FN1: variants seen among roughly 807,000 people sequenced by gnomAD.
FN1 encodes the protein fibronectin.
FN1 carries 106 observed loss-of-function variants against 297.3 expected under a neutral mutation model. The observed-to-expected ratio is 0.36, with a 90% confidence interval of 0.30 to 0.42. The LOEUF (loss-of-function observed/expected upper bound fraction) is 0.42. FN1 is among the 10% of genes least tolerant of loss of function. The probability of loss-of-function intolerance (pLI) is 1.00; values close to 1 mark genes in which losing one functional copy is unlikely to be tolerated. For synonymous variants in FN1, 1,149 were observed against 1,152.6 expected (o/e 1.00, Z 0.06); for missense variants, 2,690 against 3,124.9 (o/e 0.86, Z 3.32).
intron 42 of FN1, among the ~76,000 whole-genome samples, chr2:215,366,213 A>G (rs1349805935): frequency 1.3e-5 from 2 of 152,216 alleles, no homozygotes; most frequent in East Asian, 3.9e-4. Flanking sequence ...TGCCACAATC[A>G]TGTCATCAGA....
rs779590466 is a variant in FN1 at position 215,386,791 on chromosome 2, T to A, written c.4510A>T (p.Ile1504Phe). 6.2e-7 allele frequency: 1 copy of A among 1,613,952 alleles called. No homozygotes were observed. The highest frequency in any genetic ancestry group is 1.1e-5 in the South Asian group (1 of 91,072). ...EDRVPHSRNS[I>F]TLTNLTPGTE... ...CCTGGAGTGAGGTTGGTGAGGGTGA[T>A]GGAATTCCGAGAGTGGGGCACCCGA... The change falls in exon 28 of 46, where the codon ATC becomes TTC. Residue 1504 changes from isoleucine (I) to phenylalanine (F), a missense_variant. Ile to Phe is a conservative substitution (Grantham distance 21). Transcript: ENST00000354785.
intron 25 of FN1, 24 bp downstream of exon 25, chr2:215,392,907 A>C (rs755971812): frequency 4.3e-6 from 7 of 1,612,028 alleles, no homozygotes; most frequent in Non-Finnish European, 5.9e-6. Flanking sequence ...CTATGTCTCA[A>C]ACGCAGAAGT....
intron 26 of FN1, among the ~76,000 whole-genome samples, chr2:215,388,589 G>A (rs754792883): frequency 4.6e-5 from 7 of 152,170 alleles, no homozygotes; most frequent in Non-Finnish European, 8.8e-5. Context: ...GCAACAGCTG[G>A]ATATTTCTCG....
chr2:215,367,668 A>G (rs1363432330), intron 42 of FN1, 195 bp downstream of exon 42: 2 of 632,680 alleles, frequency 3.2e-6, no homozygotes, highest in African/African-American at 1.8e-5. Context: ...CTTGAAATGA[A>G]GCAATGTCCA....
intron 28 of FN1, among the ~76,000 whole-genome samples, chr2:215,385,783 T>C (rs1289963846): frequency 3.4e-5 from 5 of 148,090 alleles, no homozygotes; most frequent in South Asian, 2.2e-4. Flanking sequence ...TCCACCTTTT[T>C]TTTTTTTTTT....
rs1168556523 is a variant in FN1, at chr2:215,375,691, A to G, written c.5915T>C (p.Ile1972Thr). 1 of 1,612,902 alleles carries G rather than the reference A, an allele frequency of 6.2e-7. No homozygotes were observed. The highest frequency in any genetic ancestry group is 8.5e-7 in the Non-Finnish European group (1 of 1,178,970). The change falls in exon 37 of 46, where the codon ATC (isoleucine) becomes ACC (threonine). Residue 1972 changes from isoleucine to threonine, a missense_variant. Coordinates refer to ENST00000354785, the MANE Select transcript of FN1 (RefSeq NM_212482.4). The part of the protein sequence containing the change: ...TGLQPGTDYK[I>T]YLYTLNDNAR... Reference sequence around the variant, plus strand: ...ATTGTCATTCAAGGTGTACAGGTAGATCTTGTAGTCAGTGCCTGGTTGTAA... The same window carrying G: ...ATTGTCATTCAAGGTGTACAGGTAGGTCTTGTAGTCAGTGCCTGGTTGTAA...
chr2:215,361,753 C>G (rs1019255353), intron 45 of FN1, 127 bp from the exon 46 acceptor site: 25 of 1,015,678 alleles, frequency 2.5e-5, no homozygotes, highest in Non-Finnish European at 3.8e-5. Context: ...TTCCTAGTTT[C>G]AAGAACCTAG....
intron 16 of FN1, 36 bp downstream of exon 16, chr2:215,408,260 GAA>G (rs774113260): frequency 3.1e-6 from 5 of 1,613,872 alleles, no homozygotes; most frequent in Non-Finnish European, 4.2e-6. Context: ...GTGTTTTACA[GAA>G]AAAGATTCTT....
intron 20 of FN1, among the ~76,000 whole-genome samples, chr2:215,401,898 G>A (rs1434311993): frequency 6.6e-6 from 1 of 151,714 alleles, no homozygotes; most frequent in Non-Finnish European, 1.5e-5. Context: ...TGGTTTAGTG[G>A]GCTGTTTCAT....
At chr2:215,419,488 A>G (rs2063901537) in intron 11 of FN1, 103 bp from the exon 12 acceptor site, 3 of 995,432 alleles carry the variant, frequency 3.0e-6, no homozygotes, top group East Asian at 2.4e-5. Flanking sequence ...AGAAATTTGC[A>G]ATTGTTCTTA....
At chr2:215,378,562 C>A (rs1037599982) in intron 34 of FN1, among the ~76,000 whole-genome samples, 3 of 152,034 alleles carry the variant, frequency 2.0e-5, no homozygotes, top group African/African-American at 4.8e-5. Flanking sequence ...TTTTTATGAT[C>A]TGACAGGTGT....
intron 7 of FN1, among the ~76,000 whole-genome samples, chr2:215,424,771 A>G (rs953535330): frequency 1.3e-5 from 2 of 152,224 alleles, no homozygotes; most frequent in African/African-American, 2.4e-5. Context: ...TTATTGGAAG[A>G]TGTTTACATC....
chr2:215,367,367 A>C lies in FN1; in HGVS notation c.7018+496T>G, dbSNP rs573495121. Among the ~76,000 whole-genome samples, 4 of 152,310 alleles carry C rather than the reference A, an allele frequency of 2.6e-5. No individual in the cohort carries two copies. In the South Asian group the frequency reaches 8.3e-4, roughly 32 times the overall value. ...CTGTTTTTTCTTTCATATTTCTAGC[A>C]ACGTTCAAGCTACCTGGGCTATGTG... On this transcript the variant is annotated intron_variant, in intron 42 of 45. Transcript: ENST00000354785.
chr2:215,383,217 A>G (rs1428107428), intron 31 of FN1, 111 bp downstream of exon 31: 13 of 1,071,584 alleles, frequency 1.2e-5, no homozygotes, highest in Non-Finnish European at 1.9e-5. Context: ...CATATTGGCC[A>G]GGCTGGTCTC....
At chr2:215,403,032 C>T (rs1056721759) in intron 20 of FN1, among the ~76,000 whole-genome samples, 2 of 152,002 alleles carry the variant, frequency 1.3e-5, no homozygotes, top group African/African-American at 2.4e-5. Flanking sequence ...TAGTAAAAGA[C>T]GACATCTACT....
At chr2:215,388,553 T>A (rs934481691) in intron 26 of FN1, among the ~76,000 whole-genome samples, 3 of 152,180 alleles carry the variant, frequency 2.0e-5, no homozygotes, top group Non-Finnish European at 4.4e-5. Flanking sequence ...GTGACTCAGC[T>A]GGATTTCGAG....
chr2:215,402,750 C>A (rs1208261641), intron 20 of FN1, among the ~76,000 whole-genome samples: 1 of 152,100 alleles, frequency 6.6e-6, no homozygotes, highest in Non-Finnish European at 1.5e-5. Context: ...ACTATGTTAA[C>A]CTTTATCTAA....
chr2:215,379,872 T>G (rs2057961787), intron 33 of FN1: 1 of 155,292 alleles, frequency 6.4e-6, no homozygotes, highest in Non-Finnish European at 1.4e-5. Flanking sequence ...TTTTCATATT[T>G]TTTTGTAGAG....
chr2:215,381,105 G>A lies in FN1; in HGVS notation c.5165-25C>T, dbSNP rs757081629. ...TCTGTTAGGCAAATTAATGGTAAGA[G>A]GTTATGTGAAAAGCAAGTTGTGAAA... On this transcript the variant is annotated intron_variant, in intron 32 of 45. Transcript: ENST00000354785. 5 of 1,612,758 alleles carry A rather than the reference G, an allele frequency of 3.1e-6. No homozygotes were observed. In the East Asian group the frequency reaches 8.9e-5, roughly 29 times the overall value.
Sources: gnomAD v4.1 joint callset for allele counts (sites outside exome capture counted in the v4.1 genomes callset) on GRCh38, gnomAD v4.1.1 for gene constraint, MANE v1.5 for transcripts, NCBI Gene and HGNC (gene_info 2026-07-23, HGNC 2026-07-21) for gene names.